Variants in KIAA0232 observed in about 807,000 individuals in gnomAD.
KIAA0232 encodes the protein uncharacterized protein KIAA0232.
In KIAA0232, 27 loss-of-function variants were observed where a neutral mutation model predicts 122.0. That is an observed-to-expected ratio of 0.22 (90% confidence interval 0.16 to 0.31). The LOEUF (loss-of-function observed/expected upper bound fraction) is 0.31. Among genes scored for constraint, KIAA0232 ranks in the 10% least tolerant of loss-of-function variants. The pLI is 1.00. For missense variants in KIAA0232, 1,551 were observed against 1,634.2 expected, an observed-to-expected ratio of 0.95 and a Z score of 0.88; for synonymous variants, 613 against 587.6, an observed-to-expected ratio of 1.04 and a Z score of -0.63.
intron 4 of KIAA0232, 61 bp from the exon 5 acceptor site, chr4:6,857,103 A>G: frequency 7.9e-7 from 1 of 1,270,780 alleles, no homozygotes; most frequent in South Asian, 1.6e-5. Flanking sequence ...ACAAAAGTAT[A>G]CAAATACCTG....
At chr4:6,801,055 C>T (rs1035528348) in intron 1 of KIAA0232, among the ~76,000 whole-genome samples, 11 of 152,182 alleles carry the variant, frequency 7.2e-5, no homozygotes, top group African/African-American at 2.7e-4. Context: ...TTAAGTTCAG[C>T]AGCTGGGTAT....
chr4:6,797,605 TA>T (rs912676261), intron 1 of KIAA0232, among the ~76,000 whole-genome samples: 11 of 142,140 alleles, frequency 7.7e-5, no homozygotes, highest in East Asian at 2.1e-4. Context: ...TCCCATCTCT[TA>T]AAAAAAAAAC....
At chr4:6,851,276 C>T (rs1042831644) in intron 4 of KIAA0232, among the ~76,000 whole-genome samples, 9 of 152,178 alleles carry the variant, frequency 5.9e-5, no homozygotes, top group African/African-American at 1.7e-4. Context: ...CAAGTAGTAT[C>T]CAGACATTCA....
Position 6,857,196 on chromosome 4 carries a change from C to T in KIAA0232, c.402C>T (p.Leu134=). The stretch of plus-strand genomic sequence containing the variant: ...GTATCGAGACTTTAGTGGAGGAGCT[C>T]TGCTCCAGACTGAAAGACCTTCAGA... ...SSGIETLVEE[L]CSRLKDLQSK... The change falls in exon 5 of 10, where the codon CTC becomes CTT. Residue 134 remains leucine (L), a synonymous_variant. Transcript: ENST00000307659. 4 of 1,610,938 alleles carry T rather than the reference C, an allele frequency of 2.5e-6. No individual in the cohort carries two copies. Among genetic ancestry groups the T allele is most frequent in the Non-Finnish European group, 3.4e-6 (4 of 1,178,510 alleles).
At chr4:6,870,880 A>C (rs1198031276) in intron 7 of KIAA0232, among the ~76,000 whole-genome samples, 1 of 152,044 alleles carries the variant, frequency 6.6e-6, no homozygotes, top group African/African-American at 2.4e-5. Flanking sequence ...GAGGGAGAAG[A>C]GGGTTCCCCC....
intron 8 of KIAA0232, among the ~76,000 whole-genome samples, chr4:6,873,870 G>A (rs1721620912): frequency 2.0e-5 from 3 of 152,094 alleles, no homozygotes; most frequent in Admixed American, 1.3e-4. Context: ...TGTGGGTTGG[G>A]GCATTTAGTC....
At chr4:6,829,111 C>T (rs941472935) in intron 3 of KIAA0232, among the ~76,000 whole-genome samples, 10 of 152,002 alleles carry the variant, frequency 6.6e-5, no homozygotes, top group Non-Finnish European at 1.5e-4. Flanking sequence ...TTGGAGAGTC[C>T]AGGCCAGTTT....
Position 6,863,702 on chromosome 4 carries a change from A to C in KIAA0232, c.3320A>C (p.His1107Pro). 1 of 1,614,184 alleles carries C rather than the reference A, an allele frequency of 6.2e-7. No homozygotes were observed. Among genetic ancestry groups the C allele is most frequent in the Non-Finnish European group, 8.5e-7 (1 of 1,180,030 alleles). ...YRAIRISPRT[H>P]FRPISASELS... ...GCTATTCGGATCTCTCCTCGGACTC[A>C]CTTTCGCCCAATTTCTGCATCCGAA... The change falls in exon 7 of 10, where the codon CAC becomes CCC. Residue 1107 changes from histidine (H) to proline (P), a missense_variant. His to Pro is a moderately conservative substitution (Grantham distance 77). Transcript: ENST00000307659.
chr4:6,879,459 C>G (rs767306284), intron 9 of KIAA0232, among the ~76,000 whole-genome samples: 43 of 152,304 alleles, frequency 2.8e-4, no homozygotes, highest in Admixed American at 2.2e-3. Context: ...CCCGCCACGC[C>G]TCTACAGCCC....
chr4:6,825,847 G>A (rs1051239330), intron 3 of KIAA0232, among the ~76,000 whole-genome samples: 1 of 152,212 alleles, frequency 6.6e-6, no homozygotes, highest in African/African-American at 2.4e-5. Flanking sequence ...CCCACACTGA[G>A]AGCAGGAAGG....
At chr4:6,858,656 C>T (rs544521804) in intron 6 of KIAA0232, 150 bp downstream of exon 6, 1 of 568,790 alleles carries the variant, frequency 1.8e-6, no homozygotes, top group African/African-American at 2.0e-5. Context: ...ATGCTTGACA[C>T]TGAGAATTCA....
intron 2 of KIAA0232, among the ~76,000 whole-genome samples, chr4:6,819,358 A>G (rs1479012449): frequency 6.6e-6 from 1 of 152,166 alleles, no homozygotes; most frequent in African/African-American, 2.4e-5. Context: ...CAAACTGTGC[A>G]TCTGACACAG....
At chr4:6,786,724 A>G (rs1231441720) in intron 1 of KIAA0232, among the ~76,000 whole-genome samples, 2 of 152,194 alleles carry the variant, frequency 1.3e-5, no homozygotes, top group African/African-American at 4.8e-5. Context: ...TTGGTCTTTC[A>G]CATAATCACA....
intron 4 of KIAA0232, among the ~76,000 whole-genome samples, chr4:6,851,688 C>G (rs1720293097): frequency 7.0e-6 from 1 of 143,880 alleles, no homozygotes; most frequent in Non-Finnish European, 1.5e-5. Context: ...TGCACTCCAG[C>G]CTGGGTGACA....
At chr4:6,867,371 AAG>A (rs1387282371) in intron 7 of KIAA0232, among the ~76,000 whole-genome samples, 2 of 152,202 alleles carry the variant, frequency 1.3e-5, no homozygotes, top group South Asian at 2.1e-4. Flanking sequence ...AGCAAGGGTA[AAG>A]AGATTTGAAT....
chr4:6,878,152 A>T (rs1358028165), intron 9 of KIAA0232, among the ~76,000 whole-genome samples: 1 of 152,220 alleles, frequency 6.6e-6, no homozygotes, highest in African/African-American at 2.4e-5. Context: ...AGGTGGGCAG[A>T]TCACCTGAGG....
In KIAA0232 at chr4:6,862,231, A is replaced by G. The variant is rs1282854779; in HGVS notation, c.1849A>G (p.Ile617Val). The G allele has an allele frequency of 6.2e-7, 1 of 1,614,194 alleles. No individual in the cohort carries two copies. Among genetic ancestry groups the G allele is most frequent in the East Asian group, 2.2e-5 (1 of 44,882 alleles). Residue 617 changes from isoleucine (I) to valine (V), a missense_variant, in exon 7 of 10, where the codon ATC becomes GTC. By Grantham distance (29) the Ile-to-Val change is conservative. This residue lies in a region of KIAA0232 where 1,108 missense variants were observed against 1,154.8 expected (regional missense o/e 0.96). Transcript: ENST00000307659. ...GGDSPVRLSP[I>V]LDSTVLNSHL... ...AGACTCTCCAGTTAGACTCTCTCCC[A>G]TCTTAGACAGCACAGTGCTCAATTC...
intron 2 of KIAA0232, among the ~76,000 whole-genome samples, chr4:6,814,716 A>G (rs1229454108): frequency 6.6e-6 from 1 of 152,172 alleles, no homozygotes; most frequent in African/African-American, 2.4e-5. Context: ...AAAGCCAGCT[A>G]TTAAGTGGCA....
chr4:6,805,563 A>G (rs1361961322), intron 2 of KIAA0232, among the ~76,000 whole-genome samples: 1 of 152,110 alleles, frequency 6.6e-6, no homozygotes, highest in African/African-American at 2.4e-5. Flanking sequence ...ATTTTATGCT[A>G]CCTTTACCTC....
Sources: allele counts gnomAD v4.1 joint callset (sites outside exome capture counted in the v4.1 genomes callset), GRCh38; gene constraint gnomAD v4.1.1; regional missense constraint gnomAD v4.1.1; transcripts MANE v1.5; gene names NCBI Gene and HGNC (gene_info 2026-07-23, HGNC 2026-07-21).